Variants in C1QTNF8 observed in about 807,000 individuals in gnomAD.
C1QTNF8 encodes complement C1q tumor necrosis factor-related protein 8.
A neutral mutation model predicts 19.2 loss-of-function variants in C1QTNF8; 27 were observed. The ratio of observed to expected loss-of-function variants is 1.41; its 90% confidence interval spans 1.04 to 1.94. The LOEUF is 1.94. Among genes scored for constraint, C1QTNF8 ranks in the 30% most tolerant of loss-of-function variants. The pLI, the probability that C1QTNF8 is intolerant of heterozygous loss-of-function variation, is 0.00. For synonymous variants in C1QTNF8, 208 were observed against 172.8 expected (o/e 1.20, Z -1.60); for missense variants, 484 against 374.4 (o/e 1.29, Z -2.42).
chr16:1,091,098 G>A (rs1408612967), intron 4 of C1QTNF8, among the ~76,000 whole-genome samples: 1 of 152,166 alleles, frequency 6.6e-6, no homozygotes, highest in African/African-American at 2.4e-5. Context: ...TAAAGAGGGG[G>A]ATGGGCGAGC....
rs909009872 is a variant in C1QTNF8, at chr16:1,090,548, G to C, written c.*51C>G. ...CAGGAGTGAGGCGAAGTGGAGAGGC[G>C]GGCGCGCCAGCCGGGGCTCCCAGAG... On this transcript the variant is annotated 3_prime_UTR_variant, in exon 5 of 5. Transcript: ENST00000328449. 1.3e-5 allele frequency: 2 copies of C among 152,542 alleles called. No individual in the cohort carries two copies. The highest frequency in any genetic ancestry group is 1.3e-4 in the Admixed American group (2 of 15,308). The allele number at this position is 152,542 out of a possible 1,614,324, so 9.4% of individuals were successfully genotyped here. A position where few individuals can be genotyped will look rare whatever the true frequency, so the allele number is the denominator to read the frequency against.
In C1QTNF8 at chr16:1,093,978, G is replaced by GC. The variant is rs142667444; in HGVS notation, c.281dup (p.Leu95ProfsTer280). ...CCTTCTGGCCTCTGCGGCCCTGCAGGCCCCGGGCGCCTGGCGGCCCCTCTT... is the reference window on the plus strand; with the variant it reads ...CCTTCTGGCCTCTGCGGCCCTGCAGGCCCCCGGGCGCCTGGCGGCCCCTCTT... On this transcript the variant is annotated frameshift_variant, in exon 4 of 5. Coordinates refer to ENST00000328449, the MANE Select transcript of C1QTNF8 (RefSeq NM_207419.3). LOFTEE classifies it high-confidence loss of function. 3,866 of 1,465,614 alleles carry GC rather than the reference G, an allele frequency of 2.6e-3. 79 individuals carry two copies. In the African/African-American group the frequency reaches 0.048, roughly 18 times the overall value. 90.8% of individuals were successfully genotyped at this position (1,465,614 alleles called of 1,614,324 possible).
intron 4 of C1QTNF8, 127 bp downstream of exon 4, chr16:1,093,370 G>GCCCCCCCCCCCCCCCCC: frequency 4.8e-6 from 2 of 417,556 alleles, no homozygotes; most frequent in Non-Finnish European, 8.7e-6. Context: ...AAGCTCCGCT[G>GCCCCCCCCCCCCCCCCC]CCCGCCCACC....
chr16:1,094,117 C>T, intron 3 of C1QTNF8, 66 bp from the exon 4 acceptor site: 1 of 1,294,512 alleles, frequency 7.7e-7, no homozygotes, highest in Non-Finnish European at 9.9e-7. Context: ...ATTCCAGCAC[C>T]CAGGCCAGGG....
At chr16:1,094,120 G>T in intron 3 of C1QTNF8, 69 bp from the exon 4 acceptor site, 1 of 1,282,888 alleles carries the variant, frequency 7.8e-7, no homozygotes, top group East Asian at 3.1e-5. Flanking sequence ...CCAGCACCCA[G>T]GCCAGGGGCT....
intron 2 of C1QTNF8, among the ~76,000 whole-genome samples, chr16:1,095,400 G>A (rs2041415188): frequency 1.3e-5 from 2 of 152,198 alleles, no homozygotes; most frequent in African/African-American, 2.4e-5. Context: ...TCTCAGCCAG[G>A]CCCAGAGAGC....
At chr16:1,090,845 A>G (rs1326636327) in intron 4 of C1QTNF8, among the ~76,000 whole-genome samples, 11 of 152,174 alleles carry the variant, frequency 7.2e-5, no homozygotes, top group Admixed American at 7.2e-4. Flanking sequence ...CACTGTTCCC[A>G]GCTGCTTCCT....
chr16:1,091,836 G>T (rs1473453233), intron 4 of C1QTNF8, among the ~76,000 whole-genome samples: 1 of 145,558 alleles, frequency 6.9e-6, no homozygotes. Context: ...CACTAGAGCA[G>T]CCCCACCCTC....
rs768219778 is a variant in C1QTNF8 at position 1,094,782 on chromosome 16, C to G, written c.141G>C (p.Leu47=). ...GCCCCCTCCACAGGTCCCCCCTCCACAGGTCCCTGTCACTCACCCGGGCAT... is the reference window on the plus strand; with the variant it reads ...GCCCCCTCCACAGGTCCCCCCTCCAGAGGTCCCTGTCACTCACCCGGGCAT... ...GPYARVSDRD[L]WRGDLWRGLP... The change falls in exon 3 of 5, where the codon CTG becomes CTC. Residue 47 remains leucine (L), a synonymous_variant. Coordinates refer to ENST00000328449, the MANE Select transcript of C1QTNF8 (RefSeq NM_207419.3). 1.3e-6 allele frequency: 2 copies of G among 1,542,574 alleles called. No individual in the cohort carries two copies. Among genetic ancestry groups the G allele is most frequent in the Non-Finnish European group, 1.7e-6 (2 of 1,146,414 alleles).
chr16:1,096,248 C>G (rs1411199794), upstream of C1QTNF8: 1 of 152,038 alleles, frequency 6.6e-6, no homozygotes, highest in Non-Finnish European at 1.5e-5. Context: ...TCTGGGCTGT[C>G]CAAGAGCAAC....
Position 1,089,282 on chromosome 16 carries a change from A to AC in C1QTNF8, c.*1316dup, listed in dbSNP as rs1960494858. 6.9e-6 allele frequency among the ~76,000 whole-genome samples: 1 copy of AC among 145,292 alleles called. No homozygotes were observed. The highest frequency in any genetic ancestry group is 6.8e-5 in the Admixed American group (1 of 14,794). On this transcript the variant is annotated 3_prime_UTR_variant, in exon 5 of 5. Transcript: ENST00000328449. Reference sequence around the variant, plus strand: ...CTCTGCATGGCCAGCCGGGACCCCCACCCCCAGCAGCCCATACCCCCCACC... The same window carrying AC: ...CTCTGCATGGCCAGCCGGGACCCCCACCCCCCAGCAGCCCATACCCCCCACC...
At chr16:1,093,222 C>T (rs197065) in intron 4 of C1QTNF8, among the ~76,000 whole-genome samples, 46 of 146,088 alleles carry the variant, frequency 3.1e-4, no homozygotes, top group Non-Finnish European at 4.4e-4. Flanking sequence ...CGGCGCTCAA[C>T]CAATCACAGC....
chr16:1,093,364 T>A, intron 4 of C1QTNF8, 133 bp downstream of exon 4: 1 of 593,724 alleles, frequency 1.7e-6, no homozygotes, highest in East Asian at 2.9e-5. Flanking sequence ...GCGCTGAAGC[T>A]CCGCTGCCCG....
rs1412791394 is a variant in C1QTNF8 at position 1,095,798 on chromosome 16, G to A, written c.-185-10C>T. On this transcript the variant is annotated splice_polypyrimidine_tract_variant and intron_variant, in intron 1 of 4. Coordinates refer to ENST00000328449, the MANE Select transcript of C1QTNF8 (RefSeq NM_207419.3). The stretch of plus-strand genomic sequence containing the variant: ...GGCAAGGTCCTTCCTCCTGCAGTGG[G>A]TCATTCCAGGTGGGTGGAATGTCTC... The A allele has an allele frequency of 6.6e-6, 1 of 152,280 alleles. No homozygotes were observed. The highest frequency in any genetic ancestry group is 1.5e-5 in the Non-Finnish European group (1 of 68,098). 9.4% of individuals were successfully genotyped at this position (152,280 alleles called of 1,614,324 possible). A position where few individuals can be genotyped will look rare whatever the true frequency, so the allele number is the denominator to read the frequency against.
intron 4 of C1QTNF8, among the ~76,000 whole-genome samples, chr16:1,091,460 G>A (rs931394263): frequency 7.9e-5 from 12 of 152,290 alleles, no homozygotes; most frequent in African/African-American, 2.9e-4. Context: ...TGGTTCCAGA[G>A]ACAAGTGAGC....
chr16:1,094,082 G>C, intron 3 of C1QTNF8, 31 bp from the exon 4 acceptor site: 1 of 1,392,962 alleles, frequency 7.2e-7, no homozygotes, highest in Non-Finnish European at 9.2e-7. Flanking sequence ...CCACGGGTCG[G>C]GGCCGGGCTG....
chr16:1,091,944 G>A (rs1363814309), intron 4 of C1QTNF8, among the ~76,000 whole-genome samples: 1 of 152,226 alleles, frequency 6.6e-6, no homozygotes, highest in Non-Finnish European at 1.5e-5. Flanking sequence ...ACACCGGGCA[G>A]GTGCTTGGCA....
In C1QTNF8 at chr16:1,094,624, G is replaced by A. The variant is rs112716390; in HGVS notation, c.208+91C>T. On this transcript the variant is annotated intron_variant, in intron 3 of 4. Coordinates refer to ENST00000328449, the MANE Select transcript of C1QTNF8 (RefSeq NM_207419.3). ...CACTGGTGCTCAGCGTGCCCCTCCC[G>A]CCCCTCCTCCCAAGCCCCAGGTGCT... is the stretch of plus-strand genomic sequence containing the variant. The A allele has an allele frequency of 5.8e-4, 618 of 1,072,444 alleles. 2 individuals carry two copies. The African/African-American group carries it at 8.9e-3, about 15-fold the overall frequency. 66.4% of individuals were successfully genotyped at this position (1,072,444 alleles called of 1,614,324 possible).
intron 4 of C1QTNF8, among the ~76,000 whole-genome samples, chr16:1,093,230 A>T (rs71380234): frequency 2.2e-3 from 203 of 92,452 alleles, no homozygotes; most frequent in African/African-American, 0.01. Flanking sequence ...AACCAATCAC[A>T]GCACACAGTC....
Sources: gnomAD v4.1 joint callset for allele counts (sites outside exome capture counted in the v4.1 genomes callset) on GRCh38, gnomAD v4.1.1 for gene constraint, MANE v1.5 for transcripts, NCBI Gene and HGNC (gene_info 2026-07-23, HGNC 2026-07-21) for gene names.